The following ODF2L variants were observed in gnomAD, a reference collection of about 807,000 sequenced individuals.
The protein encoded by ODF2L is outer dense fiber of sperm tails 2 like.
Under a neutral mutation model 86.3 loss-of-function variants are expected in ODF2L, and 76 were observed. The ratio of observed to expected loss-of-function variants is 0.88; its 90% CI spans 0.73 to 1.07. ODF2L has a LOEUF of 1.07. ODF2L is among the 50% of genes least tolerant of loss of function. The probability of loss-of-function intolerance (pLI) is 0.00; values close to 1 mark genes in which losing one functional copy is unlikely to be tolerated. For missense variants in ODF2L, 748 were observed against 717.4 expected, an observed-to-expected ratio of 1.04 and a Z score of -0.49; for synonymous variants, 241 against 231.3, an observed-to-expected ratio of 1.04 and a Z score of -0.38.
chr1:86,371,446 A>T (rs1659778992), intron 9 of ODF2L, among the ~76,000 whole-genome samples: 1 of 152,210 alleles, frequency 6.6e-6, no homozygotes, highest in Non-Finnish European at 1.5e-5. Flanking sequence ...ACAAGTATGC[A>T]CATCTCTCTC....
chr1:86,368,124 G>A (rs1659567672), intron 11 of ODF2L, among the ~76,000 whole-genome samples: 1 of 152,088 alleles, frequency 6.6e-6, no homozygotes, highest in South Asian at 2.1e-4. Flanking sequence ...AGCAGCACTA[G>A]GGAAGTTTCT....
chr1:86,382,236 T>C lies in ODF2L; in HGVS notation c.624+6A>G. Reference sequence around the variant, plus strand: ...CTATAAAAATGGATATATATTTATATATAACCTTTACATATTCTTTCAACT... The same window carrying C: ...CTATAAAAATGGATATATATTTATACATAACCTTTACATATTCTTTCAACT... On this transcript the variant is annotated splice_donor_region_variant and intron_variant, in intron 7 of 17. Coordinates refer to ENST00000317336, the Ensembl canonical transcript of ODF2L. The C allele has an allele frequency of 6.3e-7, 1 of 1,599,996 alleles. No individual in the cohort carries two copies. The highest frequency in any genetic ancestry group is 8.5e-7 in the Non-Finnish European group (1 of 1,175,038).
Position 86,386,903 on chromosome 1 carries a change from T to C in ODF2L, c.113+12A>G, listed in dbSNP as rs999474407. 4 of 1,347,228 alleles carry C rather than the reference T, an allele frequency of 3.0e-6. 1 individual carries two copies. The highest frequency in any genetic ancestry group is 4.2e-6 in the Non-Finnish European group (4 of 942,710). 83.5% of individuals were successfully genotyped at this position (1,347,228 alleles called of 1,614,324 possible). ...CGGAAATTTAGATTTCCCCTGATACTGATGAGAATACCAGCTGAGATGACT... is the reference window on the plus strand; with the variant it reads ...CGGAAATTTAGATTTCCCCTGATACCGATGAGAATACCAGCTGAGATGACT... On this transcript the variant is annotated intron_variant, in intron 2 of 17. Transcript: ENST00000317336.
At chr1:86,370,694 G>A (rs984057575) in intron 10 of ODF2L, among the ~76,000 whole-genome samples, 4 of 152,042 alleles carry the variant, frequency 2.6e-5, no homozygotes, top group South Asian at 4.1e-4. Context: ...CATACTTTCT[G>A]GTTTCAAACA....
At chr1:86,377,570 G>C (rs1028302551) in intron 7 of ODF2L, among the ~76,000 whole-genome samples, 1 of 152,170 alleles carries the variant, frequency 6.6e-6, no homozygotes, top group Admixed American at 6.5e-5. Flanking sequence ...GGACATCCAG[G>C]CACTTCCACA....
intron 11 of ODF2L, among the ~76,000 whole-genome samples, chr1:86,366,391 TACACACAC>T (rs71643841): frequency 0.015 from 1,831 of 119,356 alleles, 46 homozygotes; most frequent in East Asian, 0.11. Flanking sequence ...AGACCCCACC[TACACACAC>T]ACACACACAC....
rs965808765 is a variant in ODF2L at position 86,375,919 on chromosome 1, G to T, written c.810+314C>A. On this transcript the variant is annotated intron_variant, in intron 8 of 17. Coordinates refer to ENST00000317336, the Ensembl canonical transcript of ODF2L. Reference sequence around the variant, plus strand: ...CTAACATAGACCACAATGTCCCAAGGGGAAATATGTATGAAGTATTACCCT... The same window carrying T: ...CTAACATAGACCACAATGTCCCAAGTGGAAATATGTATGAAGTATTACCCT... Among the ~76,000 whole-genome samples the T allele has an allele frequency of 2.0e-5, 3 of 152,054 alleles. No individual in the cohort carries two copies. The East Asian group carries it at 5.8e-4, about 29-fold the overall frequency.
chr1:86,387,234 C>A (rs1026729753), intron 1 of ODF2L, 148 bp from the exon 2 acceptor site: 1 of 406,162 alleles, frequency 2.5e-6, no homozygotes, highest in Non-Finnish European at 4.3e-6. Context: ...TGTTATAGTA[C>A]TTCAAAATTG....
rs556780054 is a variant in ODF2L at position 86,379,017 on chromosome 1, G to A, written c.625-2599C>T. On this transcript the variant is annotated intron_variant, in intron 7 of 17. Transcript: ENST00000317336. ...CTCCTGATAGTGAGTGAGTTCTTGC[G>A]AAATCAGGTTGTTTAAAAGTGTGCA... Among the ~76,000 whole-genome samples the A allele has an allele frequency of 1.7e-3, 255 of 151,988 alleles. 1 individual carries two copies. Among genetic ancestry groups the A allele is most frequent in the African/African-American group, 5.7e-3 (237 of 41,426 alleles).
intron 2 of ODF2L, chr1:86,386,205 A>G (rs1312907527): frequency 6.6e-6 from 1 of 152,258 alleles, no homozygotes; most frequent in Non-Finnish European, 1.5e-5. Flanking sequence ...TGTAAATAAC[A>G]AGTGTATTCC....
chr1:86,376,518 T>C, intron 7 of ODF2L, 100 bp from the exon 8 acceptor site: 1 of 705,438 alleles, frequency 1.4e-6, no homozygotes, highest in Non-Finnish European at 2.3e-6. Flanking sequence ...TGTGTATTAC[T>C]CCATTCTCAC....
Position 86,384,813 on chromosome 1 carries a change from T to C in ODF2L, c.247-12A>G, listed in dbSNP as rs761136141. On this transcript the variant is annotated splice_polypyrimidine_tract_variant and intron_variant, in intron 3 of 17. Transcript: ENST00000317336. ...GCAGAAAGATTCGCCTGACAAATTATAAGAACCACATACACATTTTAAGAC... is the reference window on the plus strand; with the variant it reads ...GCAGAAAGATTCGCCTGACAAATTACAAGAACCACATACACATTTTAAGAC... 1 of 1,480,002 alleles carries C rather than the reference T, an allele frequency of 6.8e-7. No homozygotes were observed. The highest frequency in any genetic ancestry group is 1.4e-5 in the South Asian group (1 of 69,606). 91.7% of individuals were successfully genotyped at this position (1,480,002 alleles called of 1,614,324 possible). A position where few individuals can be genotyped will look rare whatever the true frequency, so the allele number is the denominator to read the frequency against.
At chr1:86,380,384 ACAG>A (rs1402409660) in intron 7 of ODF2L, among the ~76,000 whole-genome samples, 1 of 152,190 alleles carries the variant, frequency 6.6e-6, no homozygotes, top group Non-Finnish European at 1.5e-5. Context: ...CTGGGGAAAA[ACAG>A]CAGTACAGTA....
At position 86,376,493 on chromosome 1, in the gene ODF2L, A is replaced by G. The variant is rs1570407042; in HGVS notation, c.625-75T>C. 6.7e-6 allele frequency: 6 copies of G among 893,790 alleles called. No homozygotes were observed. In the East Asian group the frequency reaches 1.5e-4, roughly 23 times the overall value. The allele number at this position is 893,790 out of a possible 1,614,324, so 55.4% of individuals were successfully genotyped here. A position where few individuals can be genotyped will look rare whatever the true frequency, so the allele number is the denominator to read the frequency against. Reference sequence around the variant, plus strand: ...ATGTAAACATTGTAAAAATATGTACATAACTGATATGGTTTGTGTATTACT... The same window carrying G: ...ATGTAAACATTGTAAAAATATGTACGTAACTGATATGGTTTGTGTATTACT... On this transcript the variant is annotated intron_variant, in intron 7 of 17. Coordinates refer to ENST00000317336, the Ensembl canonical transcript of ODF2L.
chr1:86,384,970 A>G (rs886561447), intron 3 of ODF2L, among the ~76,000 whole-genome samples, 169 bp from the exon 4 acceptor site: 4 of 151,962 alleles, frequency 2.6e-5, no homozygotes, highest in African/African-American at 4.8e-5. Context: ...TCTGTTATAC[A>G]GTACATTAAA....
At chr1:86,361,565 AT>A (rs1465742977) in intron 11 of ODF2L, among the ~76,000 whole-genome samples, 1 of 152,246 alleles carries the variant, frequency 6.6e-6, no homozygotes, top group Non-Finnish European at 1.5e-5. Flanking sequence ...GTGTGCGTGT[AT>A]CTCTCTCCAA....
At chr1:86,376,864 G>A (rs1660211326) in intron 7 of ODF2L, among the ~76,000 whole-genome samples, 1 of 152,114 alleles carries the variant, frequency 6.6e-6, no homozygotes, top group Admixed American at 6.5e-5. Flanking sequence ...AGATTTGGGT[G>A]GGGCAGAGCC....
At chr1:86,375,957 C>G (rs149392784) in intron 8 of ODF2L, among the ~76,000 whole-genome samples, 1 of 152,084 alleles carries the variant, frequency 6.6e-6, no homozygotes, top group East Asian at 1.9e-4. Flanking sequence ...GTTAGTTGGC[C>G]AATAGAACCT....
chr1:86,390,371 G>A (rs929623953), intron 1 of ODF2L, among the ~76,000 whole-genome samples: 1 of 152,016 alleles, frequency 6.6e-6, no homozygotes, highest in Non-Finnish European at 1.5e-5. Context: ...AGTGAGCCAC[G>A]ACCATGCCAC....
Sources: allele counts gnomAD v4.1 joint callset (sites outside exome capture counted in the v4.1 genomes callset), GRCh38; gene constraint gnomAD v4.1.1; transcripts MANE v1.5; gene names NCBI Gene and HGNC (gene_info 2026-07-23, HGNC 2026-07-21).